MRPS27: variants seen among roughly 807,000 people sequenced by gnomAD.
MRPS27 encodes the protein mitochondrial ribosomal protein S27, also known as small ribosomal subunit protein mS27.
In MRPS27, 43 loss-of-function variants were observed where a neutral mutation model predicts 48.9. The observed-to-expected ratio is 0.88, with a 90% CI of 0.69 to 1.13. MRPS27 has a LOEUF of 1.13. Ranked by LOEUF, MRPS27 falls within the 50% of genes most tolerant of loss-of-function variation. The pLI is 0.00. For missense variants in MRPS27, 467 were observed against 476.3 expected, an observed-to-expected ratio of 0.98 and a Z score of 0.18; for synonymous variants, 188 against 171.9, an observed-to-expected ratio of 1.09 and a Z score of -0.73.
chr5:72,244,870 GCTCTCTCTCT>G (rs5868631), intron 4 of MRPS27, among the ~76,000 whole-genome samples: 1 of 149,626 alleles, frequency 6.7e-6, no homozygotes, highest in African/African-American at 2.5e-5. Flanking sequence ...AAGCTCTGCT[GCTCTCTCTCT>G]CTCTCTCTCT....
At chr5:72,267,316 C>A (rs552751396) in intron 4 of MRPS27, among the ~76,000 whole-genome samples, 4 of 152,230 alleles carry the variant, frequency 2.6e-5, no homozygotes, top group African/African-American at 9.6e-5. Flanking sequence ...TAAATAAGTT[C>A]ATATAACATA....
At chr5:72,303,988 C>T (rs1750191252) in intron 2 of MRPS27, among the ~76,000 whole-genome samples, 1 of 149,392 alleles carries the variant, frequency 6.7e-6, no homozygotes, top group Admixed American at 6.6e-5. Flanking sequence ...ATTTTTAGAA[C>T]TCAATAAAAT....
chr5:72,278,466 T>G (rs911562827), intron 4 of MRPS27, among the ~76,000 whole-genome samples: 5 of 150,986 alleles, frequency 3.3e-5, no homozygotes, highest in African/African-American at 1.2e-4. Context: ...AAAAAAAAAT[T>G]TAAAGTCTGT....
At chr5:72,246,971 G>A (rs1337547704) in intron 4 of MRPS27, among the ~76,000 whole-genome samples, 1 of 152,122 alleles carries the variant, frequency 6.6e-6, no homozygotes. Context: ...AGAATCAACA[G>A]AAAAATAAAC....
chr5:72,257,062 G>GA (rs1201156776), intron 4 of MRPS27, among the ~76,000 whole-genome samples: 2 of 152,110 alleles, frequency 1.3e-5, no homozygotes, highest in East Asian at 3.8e-4. Context: ...ACAGGAAGGA[G>GA]AATCAAACCT....
chr5:72,313,056 G>A (rs1269507285), intron 2 of MRPS27, among the ~76,000 whole-genome samples: 1 of 152,240 alleles, frequency 6.6e-6, no homozygotes, highest in East Asian at 1.9e-4. Context: ...GAATGAGACT[G>A]TAAGTTTCTC....
intron 7 of MRPS27, among the ~76,000 whole-genome samples, chr5:72,232,026 T>C (rs982866681): frequency 6.6e-6 from 1 of 152,184 alleles, no homozygotes; most frequent in African/African-American, 2.4e-5. Context: ...AAACTTGATA[T>C]TCTAGACTTT....
intron 4 of MRPS27, among the ~76,000 whole-genome samples, chr5:72,271,742 A>C (rs1749246803): frequency 6.6e-6 from 1 of 152,246 alleles, no homozygotes; most frequent in Admixed American, 6.5e-5. Flanking sequence ...CAAAATCCGT[A>C]AAGTTCAAAT....
At chr5:72,309,504 C>G (rs571503271) in intron 2 of MRPS27, among the ~76,000 whole-genome samples, 37 of 152,254 alleles carry the variant, frequency 2.4e-4, no homozygotes, top group African/African-American at 8.9e-4. Context: ...CTTGATCTGC[C>G]TACCTCAGCC....
At chr5:72,295,504 C>T in intron 4 of MRPS27, 27 bp downstream of exon 4, 2 of 1,566,814 alleles carry the variant, frequency 1.3e-6, no homozygotes, top group Non-Finnish European at 1.8e-6. Context: ...TCACAGAGTA[C>T]ATAGCCAAAT....
intron 1 of MRPS27, among the ~76,000 whole-genome samples, chr5:72,317,836 A>G (rs1033490985): frequency 2.0e-5 from 3 of 152,178 alleles, no homozygotes; most frequent in Non-Finnish European, 4.4e-5. Context: ...CCCCTCAAAT[A>G]CCAAAATCTG....
chr5:72,222,744 G>A (rs1747781491), intron 10 of MRPS27, among the ~76,000 whole-genome samples: 1 of 152,112 alleles, frequency 6.6e-6, no homozygotes, highest in South Asian at 2.1e-4. Flanking sequence ...TGGGTACCTT[G>A]GGAATATCGA....
Position 72,320,239 on chromosome 5 carries a change from G to A in MRPS27, c.-18C>T. 1 of 1,613,884 alleles carries A rather than the reference G, an allele frequency of 6.2e-7. No individual in the cohort carries two copies. Among genetic ancestry groups the A allele is most frequent in the African/African-American group, 1.3e-5 (1 of 75,012 alleles). ...GCAGCCATCTTGGAGCGTACCAAAAGGAACAGCCAACGGGTTACGGACAGA... is the reference window on the plus strand; with the variant it reads ...GCAGCCATCTTGGAGCGTACCAAAAAGAACAGCCAACGGGTTACGGACAGA... On this transcript the variant is annotated 5_prime_UTR_variant, in exon 1 of 11. Coordinates refer to ENST00000261413, the MANE Select transcript of MRPS27 (RefSeq NM_015084.3).
At chr5:72,270,795 C>T (rs1355972986) in intron 4 of MRPS27, among the ~76,000 whole-genome samples, 2 of 152,136 alleles carry the variant, frequency 1.3e-5, no homozygotes, top group African/African-American at 4.8e-5. Flanking sequence ...GGACAATACA[C>T]TCTTGGGAAT....
At chr5:72,236,085 C>A (rs1025813625) in intron 5 of MRPS27, among the ~76,000 whole-genome samples, 8 of 152,088 alleles carry the variant, frequency 5.3e-5, no homozygotes, top group African/African-American at 1.7e-4. Flanking sequence ...AGTGTCTCAA[C>A]TAAGAACCTA....
intron 4 of MRPS27, among the ~76,000 whole-genome samples, chr5:72,253,142 C>T (rs1383796812): frequency 6.6e-6 from 1 of 152,172 alleles, no homozygotes; most frequent in Non-Finnish European, 1.5e-5. Context: ...TTCTGGACTA[C>T]CTCTCCTGCC....
chr5:72,297,484 T>C, intron 3 of MRPS27, 148 bp downstream of exon 3: 1 of 509,184 alleles, frequency 2.0e-6, no homozygotes, highest in Non-Finnish European at 3.4e-6. Context: ...CAGTATAAAA[T>C]ATCTATTAGT....
At chr5:72,289,805 G>A (rs1221109029) in intron 4 of MRPS27, among the ~76,000 whole-genome samples, 1 of 152,078 alleles carries the variant, frequency 6.6e-6, no homozygotes, top group Non-Finnish European at 1.5e-5. Context: ...CTGTTACGTT[G>A]CAGATCAAAT....
At chr5:72,308,654 T>C (rs760772728) in intron 2 of MRPS27, among the ~76,000 whole-genome samples, 2 of 152,202 alleles carry the variant, frequency 1.3e-5, no homozygotes, top group Non-Finnish European at 2.9e-5. Flanking sequence ...GCCTCCCTGC[T>C]AAGTGCCAGT....
Sources: gnomAD v4.1 joint callset for allele counts (sites outside exome capture counted in the v4.1 genomes callset) on GRCh38, gnomAD v4.1.1 for gene constraint, MANE v1.5 for transcripts, NCBI Gene and HGNC (gene_info 2026-07-23, HGNC 2026-07-21) for gene names.